NR3C2: variants seen among roughly 807,000 people sequenced by gnomAD.
NR3C2 encodes the protein mineralocorticoid receptor.
NR3C2 carries 15 observed loss-of-function variants against 86.4 expected under a neutral mutation model. The observed-to-expected ratio is 0.17, with a 90% CI of 0.12 to 0.27. NR3C2 has a LOEUF of 0.27. NR3C2 is among the 10% of genes least tolerant of loss of function. The probability of loss-of-function intolerance (pLI) is 1.00; values close to 1 mark genes in which losing one functional copy is unlikely to be tolerated. For missense variants in NR3C2, 960 were observed against 1,195.6 expected (o/e 0.80, Z 2.91); for synonymous variants, 458 against 450.5 (o/e 1.02, Z -0.21).
intron 2 of NR3C2, among the ~76,000 whole-genome samples, chr4:148,273,784 T>C (rs868218780): frequency 1.3e-5 from 2 of 152,172 alleles, no homozygotes; most frequent in Middle Eastern, 3.4e-3. Context: ...CTAGAGCCAG[T>C]GGGCACAGAG....
intron 2 of NR3C2, among the ~76,000 whole-genome samples, chr4:148,306,784 C>T (rs1742647875): frequency 6.6e-6 from 1 of 152,086 alleles, no homozygotes; most frequent in Non-Finnish European, 1.5e-5. Flanking sequence ...TAATTTCACC[C>T]TATAAATATG....
intron 2 of NR3C2, among the ~76,000 whole-genome samples, chr4:148,284,403 A>G (rs1741412259): frequency 1.3e-5 from 2 of 152,194 alleles, no homozygotes; most frequent in Non-Finnish European, 2.9e-5. Context: ...GGTGTGAATC[A>G]AAGGATAAAA....
chr4:148,307,891 TAAAAGA>T (rs1742712897), intron 2 of NR3C2, among the ~76,000 whole-genome samples: 1 of 150,646 alleles, frequency 6.6e-6, no homozygotes, highest in South Asian at 2.1e-4. Flanking sequence ...GAAGATACTC[TAAAAGA>T]AAAAAAGTTA....
chr4:148,179,947 C>T (rs1735566607), intron 4 of NR3C2, among the ~76,000 whole-genome samples: 2 of 151,666 alleles, frequency 1.3e-5, no homozygotes, highest in Admixed American at 6.6e-5. Context: ...GTTCAAAAGT[C>T]CCATTGAAAT....
intron 2 of NR3C2, among the ~76,000 whole-genome samples, chr4:148,309,807 CGTAAACT>C (rs1270030065): frequency 6.6e-6 from 1 of 151,632 alleles, no homozygotes; most frequent in African/African-American, 2.4e-5. Context: ...CCATGTAGTA[CGTAAACT>C]TAAATTATTT....
At chr4:148,252,124 A>G (rs776549185) in intron 3 of NR3C2, among the ~76,000 whole-genome samples, 4 of 152,206 alleles carry the variant, frequency 2.6e-5, no homozygotes, top group Non-Finnish European at 4.4e-5. Context: ...GAGGATAGAT[A>G]ATAACCCCAC....
chr4:148,304,664 TGTAC>T (rs1742517643), intron 2 of NR3C2, among the ~76,000 whole-genome samples: 2 of 152,180 alleles, frequency 1.3e-5, no homozygotes. Context: ...GGCAGTTAGA[TGTAC>T]TACTTTAGAG....
intron 4 of NR3C2, among the ~76,000 whole-genome samples, chr4:148,186,700 G>A (rs931623401): frequency 2.0e-5 from 3 of 151,688 alleles, no homozygotes; most frequent in African/African-American, 7.3e-5. Context: ...AGATTTTGGT[G>A]CACCCATCAT....
At chr4:148,233,366 G>GCTTTT (rs112814167) in intron 3 of NR3C2, among the ~76,000 whole-genome samples, 1 of 142,784 alleles carries the variant, frequency 7.0e-6, no homozygotes. Flanking sequence ...ATTTCTTTAG[G>GCTTTT]TTTTTTTTTT....
intron 6 of NR3C2, among the ~76,000 whole-genome samples, chr4:148,132,002 T>C (rs542438143): frequency 6.6e-6 from 1 of 152,090 alleles, no homozygotes; most frequent in African/African-American, 2.4e-5. Flanking sequence ...CTGGAAAAAA[T>C]TTTTTTAAAC....
chr4:148,381,622 T>C (rs1247204228), intron 2 of NR3C2, among the ~76,000 whole-genome samples: 2 of 152,188 alleles, frequency 1.3e-5, no homozygotes, highest in Non-Finnish European at 2.9e-5. Flanking sequence ...CTTTAAAACA[T>C]GGAAAATTCA....
chr4:148,091,096 GA>G (rs1731039761), intron 8 of NR3C2, among the ~76,000 whole-genome samples: 2 of 152,032 alleles, frequency 1.3e-5, no homozygotes, highest in Non-Finnish European at 2.9e-5. Flanking sequence ...GCAGCTACCG[GA>G]AGTGCTGGCG....
chr4:148,406,818 T>C (rs748051630), intron 2 of NR3C2, among the ~76,000 whole-genome samples: 32 of 152,216 alleles, frequency 2.1e-4, no homozygotes, highest in Admixed American at 3.9e-4. Flanking sequence ...CTGTTTCAAT[T>C]TCTTAACCAT....
intron 2 of NR3C2, among the ~76,000 whole-genome samples, chr4:148,425,774 T>G (rs1749500393): frequency 6.6e-6 from 1 of 152,184 alleles, no homozygotes; most frequent in African/African-American, 2.4e-5. Context: ...TGCCTATTAT[T>G]TAGGATAGTC....
At chr4:148,115,012 A>G (rs1732208158) in intron 7 of NR3C2, among the ~76,000 whole-genome samples, 1 of 152,206 alleles carries the variant, frequency 6.6e-6, no homozygotes, top group African/African-American at 2.4e-5. Flanking sequence ...TTGGCAAGTT[A>G]GGATTCACGT....
intron 2 of NR3C2, among the ~76,000 whole-genome samples, chr4:148,346,934 T>C (rs1745028447): frequency 6.6e-6 from 1 of 152,048 alleles, no homozygotes; most frequent in South Asian, 2.1e-4. Flanking sequence ...TCTGATAGAA[T>C]TGTGGGGTTC....
At chr4:148,357,090 C>T (rs913307587) in intron 2 of NR3C2, among the ~76,000 whole-genome samples, 1 of 152,060 alleles carries the variant, frequency 6.6e-6, no homozygotes, top group African/African-American at 2.4e-5. Context: ...TTCATAAATA[C>T]TCTAAAAACC....
intron 2 of NR3C2, among the ~76,000 whole-genome samples, chr4:148,332,922 A>C (rs555891147): frequency 1.1e-4 from 16 of 152,202 alleles, no homozygotes; most frequent in Admixed American, 7.2e-4. Flanking sequence ...ATGTGTTTTA[A>C]CTTTGTGTAT....
At chr4:148,136,767 C>G (rs1021082381) in intron 6 of NR3C2, among the ~76,000 whole-genome samples, 2 of 152,138 alleles carry the variant, frequency 1.3e-5, no homozygotes, top group African/African-American at 4.8e-5. Context: ...CTGCCTCAGC[C>G]TCCTGAGTAG....
Sources: gnomAD v4.1 joint callset for allele counts (sites outside exome capture counted in the v4.1 genomes callset) on GRCh38, gnomAD v4.1.1 for gene constraint, MANE v1.5 for transcripts, NCBI Gene and HGNC (gene_info 2026-07-23, HGNC 2026-07-21) for gene names.